The following GFRA2 variants were observed in gnomAD, a reference collection of about 807,000 sequenced individuals.
The protein encoded by GFRA2 is GDNF family receptor alpha 2.
In GFRA2, 17 loss-of-function variants were observed where a neutral mutation model predicts 48.3. That is an observed-to-expected ratio of 0.35 (90% CI 0.24 to 0.53). GFRA2 has a LOEUF of 0.53. Ranked by LOEUF, GFRA2 falls within the 20% of genes least tolerant of loss-of-function variation. The pLI is 0.93. For synonymous variants in GFRA2, 305 were observed against 257.2 expected (o/e 1.19, Z -1.78); for missense variants, 660 against 637.3 (o/e 1.04, Z -0.38).
At chr8:21,745,440 A>C (rs1804957767) in intron 4 of GFRA2, among the ~76,000 whole-genome samples, 1 of 152,196 alleles carries the variant, frequency 6.6e-6, no homozygotes. Context: ...AAGCCCAGAG[A>C]GGCTTTCCCA....
chr8:21,775,056 C>A lies in GFRA2; in HGVS notation c.356-1G>T. 1 of 1,545,636 alleles carries A rather than the reference C, an allele frequency of 6.5e-7. No individual in the cohort carries two copies. Among genetic ancestry groups the A allele is most frequent in the Non-Finnish European group, 8.9e-7 (1 of 1,118,382 alleles). On this transcript the variant is annotated splice_acceptor_variant, in intron 2 of 8. Coordinates refer to ENST00000524240, the MANE Select transcript of GFRA2 (RefSeq NM_001495.5). LOFTEE classifies it high-confidence loss of function. ...GGGGAGGCTTCGTAGAACTCCTCACCTGGAAGACAGAACAGGCATCAGATG... is the reference window on the plus strand; with the variant it reads ...GGGGAGGCTTCGTAGAACTCCTCACATGGAAGACAGAACAGGCATCAGATG...
At chr8:21,768,145 C>A (rs1049006766) in intron 3 of GFRA2, among the ~76,000 whole-genome samples, 1 of 152,178 alleles carries the variant, frequency 6.6e-6, no homozygotes, top group African/African-American at 2.4e-5. Context: ...CACTCTCTTG[C>A]ACCCCACACC....
intron 1 of GFRA2, among the ~76,000 whole-genome samples, chr8:21,806,091 C>T (rs550241585): frequency 6.6e-5 from 10 of 152,312 alleles, no homozygotes; most frequent in African/African-American, 1.9e-4. Flanking sequence ...TCTTCATCTA[C>T]CCTAATTATT....
At chr8:21,713,788 G>C (rs913392047) in intron 4 of GFRA2, among the ~76,000 whole-genome samples, 1 of 152,158 alleles carries the variant, frequency 6.6e-6, no homozygotes, top group African/African-American at 2.4e-5. Flanking sequence ...ACCTTAACAA[G>C]CCCTCCCAGG....
intron 3 of GFRA2, among the ~76,000 whole-genome samples, chr8:21,774,691 A>G (rs1806607627): frequency 1.3e-5 from 2 of 152,210 alleles, no homozygotes; most frequent in Non-Finnish European, 2.9e-5. Flanking sequence ...AACAAGGGTA[A>G]GATAGAAGGG....
At chr8:21,795,683 G>A (rs966060852) in intron 2 of GFRA2, among the ~76,000 whole-genome samples, 44 of 152,236 alleles carry the variant, frequency 2.9e-4, no homozygotes, top group South Asian at 1.2e-3. Flanking sequence ...ATGAGCCATC[G>A]CACCTGGCCT....
chr8:21,740,041 T>C (rs1023854519), intron 4 of GFRA2, among the ~76,000 whole-genome samples: 1 of 152,172 alleles, frequency 6.6e-6, no homozygotes, highest in Non-Finnish European at 1.5e-5. Flanking sequence ...TCTAGGGTCC[T>C]AAGCACAGTG....
chr8:21,807,371 C>T (rs940374488), intron 1 of GFRA2, among the ~76,000 whole-genome samples: 1 of 152,196 alleles, frequency 6.6e-6, no homozygotes, highest in African/African-American at 2.4e-5. Flanking sequence ...CACCAGACGC[C>T]AGCACCATGC....
chr8:21,763,673 T>A (rs1806016038), intron 3 of GFRA2, among the ~76,000 whole-genome samples: 2 of 151,876 alleles, frequency 1.3e-5, no homozygotes, highest in South Asian at 4.2e-4. Flanking sequence ...CTCCTCACCT[T>A]CCAGCTCCCT....
At position 21,702,863 on chromosome 8, in the gene GFRA2, T is replaced by C. The variant is rs569573405; in HGVS notation, c.1160A>G (p.Asp387Gly). ...RVEKTPSLPD[D>G]LSDSTSLGTS... ...CCCCAAGCTGGTACTGTCACTGAGG[T>C]CATCTGGCAAAGAAGGCGTCTTCTC... The change falls in exon 7 of 9, where the codon GAC becomes GGC. Residue 387 changes from aspartate to glycine, a missense_variant. Physicochemically the swap from Asp to Gly is moderately conservative, Grantham distance 94. Coordinates refer to ENST00000524240, the MANE Select transcript of GFRA2 (RefSeq NM_001495.5). 6.2e-6 allele frequency: 10 copies of C among 1,609,324 alleles called. No homozygotes were observed. In the South Asian group the frequency reaches 9.9e-5, roughly 16 times the overall value.
At chr8:21,706,289 T>G in intron 4 of GFRA2, 1 of 628,874 alleles carries the variant, frequency 1.6e-6, no homozygotes, top group Non-Finnish European at 3.0e-6. Context: ...AGTCATTGGC[T>G]GACAAAAAGG....
At chr8:21,703,783 A>C (rs2117361346) in intron 6 of GFRA2, among the ~76,000 whole-genome samples, 1 of 151,740 alleles carries the variant, frequency 6.6e-6, no homozygotes, top group South Asian at 2.1e-4. Context: ...TTCCCCTCCC[A>C]CTGCTCTGGT....
intron 1 of GFRA2, 59 bp from the exon 2 acceptor site, chr8:21,782,958 G>A: frequency 6.8e-7 from 1 of 1,466,310 alleles, no homozygotes; most frequent in South Asian, 1.2e-5. Flanking sequence ...TCCCACCCAA[G>A]ATGCAGGCCT....
intron 2 of GFRA2, among the ~76,000 whole-genome samples, chr8:21,781,869 C>T (rs1229523386): frequency 3.3e-5 from 5 of 152,212 alleles, no homozygotes; most frequent in South Asian, 2.1e-4. Context: ...GTGTTATTGG[C>T]GGGGGGACTT....
intron 3 of GFRA2, among the ~76,000 whole-genome samples, chr8:21,765,091 T>C (rs188908302): frequency 5.8e-4 from 87 of 150,462 alleles, no homozygotes; most frequent in Non-Finnish European, 9.1e-4. Flanking sequence ...TCTTTCTTTC[T>C]TTTTCTTTCT....
intron 7 of GFRA2, among the ~76,000 whole-genome samples, chr8:21,695,165 C>T (rs184067196): frequency 1.3e-5 from 2 of 152,296 alleles, no homozygotes; most frequent in Admixed American, 6.5e-5. Context: ...AGGTGAGGGA[C>T]GAGAAGGGCT....
At chr8:21,709,584 G>A (rs911626408) in intron 4 of GFRA2, among the ~76,000 whole-genome samples, 4 of 152,214 alleles carry the variant, frequency 2.6e-5, no homozygotes, top group Non-Finnish European at 4.4e-5. Context: ...TAAGGGGCCG[G>A]GGTAGTGTGC....
chr8:21,757,522 G>A (rs1317340355), intron 3 of GFRA2, among the ~76,000 whole-genome samples: 1 of 112,942 alleles, frequency 8.9e-6, no homozygotes, highest in Non-Finnish European at 1.8e-5. Context: ...TTTGAATGGA[G>A]TTTCACTCTG....
intron 4 of GFRA2, among the ~76,000 whole-genome samples, chr8:21,729,483 C>T (rs1804070642): frequency 1.3e-5 from 2 of 152,146 alleles, no homozygotes; most frequent in South Asian, 4.2e-4. Context: ...AGAGTGAAAG[C>T]TGGGCCTGGG....
Sources: allele counts gnomAD v4.1 joint callset (sites outside exome capture counted in the v4.1 genomes callset), GRCh38; gene constraint gnomAD v4.1.1; transcripts MANE v1.5; gene names NCBI Gene and HGNC (gene_info 2026-07-23, HGNC 2026-07-21).